PRMT2: variants seen among roughly 807,000 people sequenced by gnomAD.
PRMT2 encodes the protein protein arginine methyltransferase 2, also known as protein arginine N-methyltransferase 2.
PRMT2 carries 26 observed loss-of-function variants against 57.6 expected under a neutral mutation model. The observed-to-expected ratio is 0.45, with a 90% CI of 0.33 to 0.63. The LOEUF is 0.63. Ranked by LOEUF, PRMT2 falls within the 20% of genes least tolerant of loss-of-function variation. PRMT2 has a pLI of 0.02. For synonymous variants in PRMT2, 219 were observed against 220.0 expected (o/e 1.00, Z 0.04); for missense variants, 472 against 564.4 (o/e 0.84, Z 1.66).
chr21:46,651,912 T>G (rs566047357), intron 7 of PRMT2: 9 of 1,613,062 alleles, frequency 5.6e-6, no homozygotes, highest in Admixed American at 5.0e-5. Context: ...TGTGCGTCTG[T>G]CCCTCTTCAT....
intron 5 of PRMT2, among the ~76,000 whole-genome samples, chr21:46,646,933 G>T (rs1205749858): frequency 1.3e-5 from 2 of 152,218 alleles, no homozygotes; most frequent in Non-Finnish European, 2.9e-5. Context: ...CCTCATGGCT[G>T]TCCTCACGTG....
intron 7 of PRMT2, chr21:46,653,127 A>C (rs2061487018): frequency 2.0e-6 from 2 of 985,454 alleles, no homozygotes; most frequent in Middle Eastern, 5.2e-4. Flanking sequence ...GGAAGAATAA[A>C]GAATTTGGAC....
intron 7 of PRMT2, among the ~76,000 whole-genome samples, chr21:46,656,223 C>G (rs887871225): frequency 6.6e-6 from 1 of 152,148 alleles, no homozygotes; most frequent in African/African-American, 2.4e-5. Flanking sequence ...GTGCCAGCTC[C>G]CCTTTGCTTT....
At chr21:46,659,074 A>G in intron 8 of PRMT2, 154 bp downstream of exon 8, 4 of 1,426,340 alleles carry the variant, frequency 2.8e-6, no homozygotes, top group Non-Finnish European at 3.7e-6. Context: ...GCATTGGAGT[A>G]ATTAAAGCAG....
At chr21:46,661,519 GCT>G (rs2061620584) in intron 9 of PRMT2, 2 of 263,260 alleles carry the variant, frequency 7.6e-6, no homozygotes, top group Non-Finnish European at 1.4e-5. Flanking sequence ...CCAGCCTGGA[GCT>G]CTCCAACTCC....
chr21:46,646,106 A>G (rs1462667696), intron 5 of PRMT2, among the ~76,000 whole-genome samples: 1 of 152,160 alleles, frequency 6.6e-6, no homozygotes. Context: ...ACCTGCTGGT[A>G]GGGGAGGCTC....
intron 4 of PRMT2, 57 bp downstream of exon 4, chr21:46,643,696 G>A (rs534351619): frequency 1.4e-5 from 21 of 1,531,734 alleles, no homozygotes; most frequent in Middle Eastern, 2.1e-4. Context: ...GTGTCAAAAG[G>A]AGATAAATTT....
intron 4 of PRMT2, 36 bp downstream of exon 4, chr21:46,643,675 C>T (rs2061319297): frequency 6.4e-7 from 1 of 1,562,764 alleles, no homozygotes; most frequent in African/African-American, 1.4e-5. Flanking sequence ...TTATGGCTTT[C>T]AGCATGTTCA....
chr21:46,636,842 A>T, intron 2 of PRMT2, 54 bp from the exon 3 acceptor site: 1 of 1,077,072 alleles, frequency 9.3e-7, no homozygotes, highest in Non-Finnish European at 1.3e-6. Context: ...AAGTGAACTC[A>T]ATTATTAAGC....
chr21:46,635,909 A>C (rs569335712), intron 1 of PRMT2, 146 bp downstream of exon 1: 14 of 152,386 alleles, frequency 9.2e-5, no homozygotes, highest in African/African-American at 3.4e-4. Context: ...TCGCGATCTC[A>C]GCCACTTTCC....
chr21:46,653,997 A>C (rs918602371), intron 7 of PRMT2: 3 of 998,092 alleles, frequency 3.0e-6, no homozygotes, highest in South Asian at 4.2e-5. Flanking sequence ...AATGCAGCAT[A>C]GTTAATCAGC....
intron 3 of PRMT2, among the ~76,000 whole-genome samples, chr21:46,638,495 AT>A (rs1245730615): frequency 1.3e-5 from 2 of 152,210 alleles, no homozygotes; most frequent in Non-Finnish European, 2.9e-5. Flanking sequence ...CAGTAATGGC[AT>A]TGCAGGGTGC....
intron 5 of PRMT2, among the ~76,000 whole-genome samples, chr21:46,647,876 T>G (rs944498725): frequency 6.6e-6 from 1 of 152,228 alleles, no homozygotes; most frequent in Non-Finnish European, 1.5e-5. Context: ...GAATTCCTGT[T>G]GTTTCACTGG....
At chr21:46,659,428 T>C in intron 8 of PRMT2, 1 of 985,480 alleles carries the variant, frequency 1.0e-6, no homozygotes, top group Non-Finnish European at 1.2e-6. Flanking sequence ...AACAAGTAAT[T>C]AGAGAAATCA....
intron 3 of PRMT2, among the ~76,000 whole-genome samples, chr21:46,641,502 A>G (rs908602758): frequency 7.9e-5 from 12 of 152,166 alleles, no homozygotes; most frequent in African/African-American, 2.9e-4. Flanking sequence ...AGCCTGGCCA[A>G]CATGATGAAA....
intron 7 of PRMT2, chr21:46,653,636 A>T: frequency 8.2e-7 from 1 of 1,216,248 alleles, no homozygotes; most frequent in Non-Finnish European, 1.0e-6. Context: ...TTATGCCTTG[A>T]TATTTCTTTT....
Position 46,648,710 on chromosome 21 carries a change from G to A in PRMT2, c.489+91G>A, listed in dbSNP as rs533508275. The A allele has an allele frequency of 6.7e-6, 10 of 1,483,874 alleles. No individual in the cohort carries two copies. The East Asian group carries it at 2.1e-4, about 30-fold the overall frequency. 91.9% of individuals were successfully genotyped at this position (1,483,874 alleles called of 1,614,324 possible). A position where few individuals can be genotyped will look rare whatever the true frequency, so the allele number is the denominator to read the frequency against. On this transcript the variant is annotated intron_variant, in intron 6 of 11. Coordinates refer to ENST00000355680, the MANE Select transcript of PRMT2 (RefSeq NM_206962.4). The surrounding 1 kb of genome is among the most constrained non-coding windows in gnomAD (Gnocchi z 4.8). ...TGAGTGTGCTGACTTGTGACCCTGAGCTGTTGGGGGCTCACCGGTGACTCC... is the reference window on the plus strand; with the variant it reads ...TGAGTGTGCTGACTTGTGACCCTGAACTGTTGGGGGCTCACCGGTGACTCC...
chr21:46,654,967 GA>G, intron 7 of PRMT2: 1 of 962,372 alleles, frequency 1.0e-6, no homozygotes, highest in Non-Finnish European at 1.2e-6. Context: ...GAAGGTCCAT[GA>G]AATGGACCAA....
intron 7 of PRMT2, 75 bp from the exon 8 acceptor site, chr21:46,658,670 G>A: frequency 1.3e-6 from 2 of 1,572,086 alleles, no homozygotes; most frequent in Non-Finnish European, 1.7e-6. Flanking sequence ...CTAGTGTTAC[G>A]AATGTGGTGG....
Sources: gnomAD v4.1 joint callset for allele counts (sites outside exome capture counted in the v4.1 genomes callset) on GRCh38, gnomAD v4.1.1 for gene constraint, Gnocchi (gnomAD v3.1) non-coding constraint, MANE v1.5 for transcripts, NCBI Gene and HGNC (gene_info 2026-07-23, HGNC 2026-07-21) for gene names.